The following CDK14 variants were observed in gnomAD, a reference collection of about 807,000 sequenced individuals.
CDK14 encodes the protein cyclin-dependent kinase 14.
Under a neutral mutation model 60.7 loss-of-function variants are expected in CDK14, and 34 were observed. The observed-to-expected ratio is 0.56, with a 90% CI of 0.43 to 0.75. The LOEUF (loss-of-function observed/expected upper bound fraction) is 0.75. Ranked by LOEUF, CDK14 falls within the 30% of genes least tolerant of loss-of-function variation. The pLI is 0.00. For synonymous variants in CDK14, 197 were observed against 203.7 expected (o/e 0.97, Z 0.28); for missense variants, 482 against 564.1 (o/e 0.85, Z 1.47).
At chr7:91,032,094 G>A (rs1043906276) in intron 10 of CDK14, among the ~76,000 whole-genome samples, 1 of 152,156 alleles carries the variant, frequency 6.6e-6, no homozygotes, top group Non-Finnish European at 1.5e-5. Context: ...TTGCATCCTG[G>A]TTCTGTTCTT....
chr7:90,917,458 C>T (rs1793115952), intron 7 of CDK14, 143 bp from the exon 8 acceptor site: 2 of 640,132 alleles, frequency 3.1e-6, no homozygotes, highest in Non-Finnish European at 5.2e-6. Context: ...TAAAATCTCA[C>T]ATTCTGTTGA....
At chr7:90,794,395 G>A (rs1017623399) in intron 5 of CDK14, among the ~76,000 whole-genome samples, 4 of 152,120 alleles carry the variant, frequency 2.6e-5, no homozygotes, top group African/African-American at 9.7e-5. Flanking sequence ...TAATAAGCCT[G>A]CGAGCTCTAT....
intron 3 of CDK14, among the ~76,000 whole-genome samples, chr7:90,732,891 G>A (rs1379744109): frequency 6.6e-6 from 1 of 152,014 alleles, no homozygotes; most frequent in African/African-American, 2.4e-5. Flanking sequence ...GCTTTTGAAT[G>A]TATTTGCTCT....
intron 11 of CDK14, among the ~76,000 whole-genome samples, chr7:91,071,638 G>T (rs534696156): frequency 6.6e-6 from 1 of 152,338 alleles, no homozygotes; most frequent in South Asian, 2.1e-4. Context: ...GCTTAAGCCT[G>T]CCAAGCTCCT....
chr7:91,162,087 G>A (rs373115859), intron 14 of CDK14, among the ~76,000 whole-genome samples: 5 of 152,166 alleles, frequency 3.3e-5, no homozygotes, highest in Admixed American at 6.5e-5. Flanking sequence ...AAGAAAGAGA[G>A]GCACATAAAA....
chr7:91,200,558 T>C (rs942996036), intron 14 of CDK14, among the ~76,000 whole-genome samples: 11 of 152,192 alleles, frequency 7.2e-5, no homozygotes, highest in African/African-American at 2.4e-4. Flanking sequence ...TCTCTGGACT[T>C]TGTTCTCGAC....
chr7:91,194,858 A>G (rs1802485430), intron 14 of CDK14, among the ~76,000 whole-genome samples: 1 of 152,206 alleles, frequency 6.6e-6, no homozygotes, highest in Non-Finnish European at 1.5e-5. Context: ...TTCTTACAGT[A>G]AAACTTCAGC....
At chr7:90,703,524 A>G (rs1801833786) in intron 2 of CDK14, among the ~76,000 whole-genome samples, 1 of 152,212 alleles carries the variant, frequency 6.6e-6, no homozygotes, top group African/African-American at 2.4e-5. Context: ...GTATGTAGAA[A>G]CCATATGTAT....
intron 10 of CDK14, among the ~76,000 whole-genome samples, chr7:91,003,484 G>T (rs958319043): frequency 6.6e-6 from 1 of 152,158 alleles, no homozygotes; most frequent in African/African-American, 2.4e-5. Flanking sequence ...TAAATCGTTT[G>T]TTCCTTTCTC....
At chr7:90,926,908 A>G (rs1311250675) in intron 8 of CDK14, among the ~76,000 whole-genome samples, 1 of 152,118 alleles carries the variant, frequency 6.6e-6, no homozygotes, top group Non-Finnish European at 1.5e-5. Flanking sequence ...AATGGCTCAC[A>G]GCACTCAGGA....
chr7:91,061,999 T>G lies in CDK14; in HGVS notation c.1105+16039T>G, dbSNP rs185241549. Among the ~76,000 whole-genome samples, 65 of 152,252 alleles carry G rather than the reference T, an allele frequency of 4.3e-4. No individual in the cohort carries two copies. In the East Asian group the frequency reaches 0.01, roughly 24 times the overall value. On this transcript the variant is annotated intron_variant, in intron 11 of 14. Coordinates refer to ENST00000380050, the MANE Select transcript of CDK14 (RefSeq NM_001287135.2). ...TTTGGCTATGCCATGCCCCCAGAGG[T>G]GGAGACTACAGAGGCAGGCAGGCCT...
chr7:90,692,433 T>C (rs900630330), intron 2 of CDK14, among the ~76,000 whole-genome samples: 2 of 152,218 alleles, frequency 1.3e-5, no homozygotes, highest in African/African-American at 4.8e-5. Context: ...AATTAGCTTA[T>C]AAGCCACTCT....
chr7:90,725,410 C>T (rs923073244), intron 2 of CDK14, among the ~76,000 whole-genome samples: 5 of 152,064 alleles, frequency 3.3e-5, no homozygotes, highest in African/African-American at 1.2e-4. Flanking sequence ...TATACATAGC[C>T]GCATTTATAC....
chr7:90,671,377 T>TA (rs1388162039), intron 2 of CDK14, among the ~76,000 whole-genome samples: 3 of 152,104 alleles, frequency 2.0e-5, no homozygotes, highest in Non-Finnish European at 4.4e-5. Flanking sequence ...AGGTTCACTG[T>TA]AGCTTGAATA....
intron 2 of CDK14, among the ~76,000 whole-genome samples, chr7:90,656,724 G>C (rs1395187255): frequency 6.6e-6 from 1 of 152,150 alleles, no homozygotes; most frequent in East Asian, 1.9e-4. Context: ...ATCTGGTTGT[G>C]CCCACTTAAT....
At chr7:91,068,524 C>T (rs1798043107) in intron 11 of CDK14, among the ~76,000 whole-genome samples, 1 of 152,196 alleles carries the variant, frequency 6.6e-6, no homozygotes, top group Non-Finnish European at 1.5e-5. Context: ...TGAAATTCCA[C>T]ATCTTTGTAA....
chr7:90,905,993 A>G (rs1434225596), intron 7 of CDK14, among the ~76,000 whole-genome samples: 2 of 152,156 alleles, frequency 1.3e-5, no homozygotes, highest in Non-Finnish European at 2.9e-5. Flanking sequence ...TTGCTGAGAG[A>G]CAAGGGTCTC....
chr7:90,833,056 A>G (rs994152214), intron 5 of CDK14, among the ~76,000 whole-genome samples: 6 of 152,170 alleles, frequency 3.9e-5, no homozygotes, highest in Non-Finnish European at 7.3e-5. Flanking sequence ...TTCTTTAAAG[A>G]AGTAGCAGAG....
chr7:91,018,447 C>A (rs1388254450), intron 10 of CDK14, among the ~76,000 whole-genome samples: 1 of 150,232 alleles, frequency 6.7e-6, no homozygotes, highest in Non-Finnish European at 1.5e-5. Context: ...CTCTTTCTCA[C>A]ACAAAAAAAT....
Sources: allele counts gnomAD v4.1 joint callset (sites outside exome capture counted in the v4.1 genomes callset), GRCh38; gene constraint gnomAD v4.1.1; transcripts MANE v1.5; gene names NCBI Gene and HGNC (gene_info 2026-07-23, HGNC 2026-07-21).